RHOT1: variants seen among roughly 807,000 people sequenced by gnomAD.
RHOT1 encodes the protein ras homolog family member T1.
In RHOT1, 27 loss-of-function variants were observed where a neutral mutation model predicts 95.3. The observed-to-expected ratio is 0.28, with a 90% confidence interval of 0.21 to 0.39. The LOEUF (loss-of-function observed/expected upper bound fraction) is 0.39. Among genes scored for constraint, RHOT1 ranks in the 10% least tolerant of loss-of-function variants. The pLI is 1.00. For missense variants in RHOT1, 578 were observed against 786.7 expected, an observed-to-expected ratio of 0.73 and a Z score of 3.17; for synonymous variants, 227 against 263.5, an observed-to-expected ratio of 0.86 and a Z score of 1.34.
At chr17:32,182,118 C>A (rs1310067118) in intron 6 of RHOT1, among the ~76,000 whole-genome samples, 1 of 152,164 alleles carries the variant, frequency 6.6e-6, no homozygotes, top group East Asian at 1.9e-4. Context: ...CTCTATCCCC[C>A]TATTTATTTC....
At chr17:32,205,628 T>G (rs2037660127) in intron 16 of RHOT1, among the ~76,000 whole-genome samples, 1 of 152,168 alleles carries the variant, frequency 6.6e-6, no homozygotes, top group Non-Finnish European at 1.5e-5. Flanking sequence ...GAAAAGACAC[T>G]ATGAAATACA....
chr17:32,223,996 CCTGT>C (rs1310288960), intron 19 of RHOT1, among the ~76,000 whole-genome samples: 3 of 152,166 alleles, frequency 2.0e-5, no homozygotes, highest in African/African-American at 7.2e-5. Context: ...ATTATCACTG[CCTGT>C]CTAACACCAG....
intron 19 of RHOT1, 88 bp from the exon 20 acceptor site, chr17:32,224,528 A>G (rs1419728177): frequency 3.5e-6 from 3 of 850,596 alleles, no homozygotes; most frequent in Non-Finnish European, 5.6e-6. Context: ...GTGTGCTAAT[A>G]CTTCCCTAAA....
intron 6 of RHOT1, among the ~76,000 whole-genome samples, chr17:32,176,726 C>G (rs1164605467): frequency 1.3e-5 from 2 of 152,034 alleles, no homozygotes; most frequent in East Asian, 1.9e-4. Flanking sequence ...GCATGTACCA[C>G]CATGCCTGGC....
rs371213821 is a variant in RHOT1 at position 32,208,122 on chromosome 17, A to T, written c.1552A>T (p.Ser518Cys). ...ARIFKQHFMD[S>C]RIPCLIVAAK... Reference sequence around the variant, plus strand: ...TATTCCATAGCAACACTTTATGGACAGCAGAATACCTTGCTTAATCGTAGC... The same window carrying T: ...TATTCCATAGCAACACTTTATGGACTGCAGAATACCTTGCTTAATCGTAGC... Residue 518 changes from serine to cysteine, a missense_variant, in exon 18 of 20, where the codon AGC (serine) becomes TGC (cysteine). Coordinates refer to ENST00000545287, the MANE Select transcript of RHOT1 (RefSeq NM_001033566.3). The T allele has an allele frequency of 5.0e-6, 8 of 1,614,000 alleles. No individual in the cohort carries two copies. Among genetic ancestry groups the T allele is most frequent in the Non-Finnish European group, 6.8e-6 (8 of 1,179,860 alleles).
intron 1 of RHOT1, among the ~76,000 whole-genome samples, chr17:32,166,604 A>G (rs1253945502): frequency 1.3e-5 from 2 of 152,218 alleles, no homozygotes; most frequent in African/African-American, 4.8e-5. Context: ...TTTATGTAAT[A>G]TTCCAGGTCC....
At chr17:32,152,079 A>G (rs1324042214) in intron 1 of RHOT1, among the ~76,000 whole-genome samples, 3 of 152,200 alleles carry the variant, frequency 2.0e-5, no homozygotes, top group African/African-American at 7.2e-5. Context: ...TTAAAATCAC[A>G]CTTTAAAAGA....
At chr17:32,203,865 T>C (rs776077004) in intron 15 of RHOT1, 25 bp from the exon 16 acceptor site, 29 of 1,560,564 alleles carry the variant, frequency 1.9e-5, no homozygotes, top group South Asian at 8.9e-5. Flanking sequence ...ACTGCAGATA[T>C]TGAGATTTTC....
intron 16 of RHOT1, 148 bp from the exon 17 acceptor site, chr17:32,206,762 C>T: frequency 1.6e-6 from 1 of 640,240 alleles, no homozygotes; most frequent in East Asian, 2.9e-5. Context: ...CTTGTCTATA[C>T]TTTCTACTTT....
intron 11 of RHOT1, among the ~76,000 whole-genome samples, chr17:32,196,281 C>A (rs2036883762): frequency 1.3e-5 from 2 of 151,360 alleles, no homozygotes. Context: ...GCCTCGGCCT[C>A]CTGGGCCCAA....
intron 1 of RHOT1, among the ~76,000 whole-genome samples, chr17:32,144,720 C>T (rs2031030017): frequency 6.6e-6 from 1 of 151,498 alleles, no homozygotes; most frequent in Non-Finnish European, 1.5e-5. Context: ...GGCACAGTGG[C>T]TCACTCCTGT....
At chr17:32,151,363 G>A (rs2032266571) in intron 1 of RHOT1, 23 of 614,576 alleles carry the variant, frequency 3.7e-5, no homozygotes, top group South Asian at 2.5e-4. Flanking sequence ...AGTGAGCCAA[G>A]ACTGCACCAC....
intron 1 of RHOT1, chr17:32,150,542 A>G: frequency 6.6e-7 from 1 of 1,526,150 alleles, no homozygotes. Context: ...TGTGTGGGAG[A>G]TAGGCCTACA....
chr17:32,173,403 T>G (rs1341364209), intron 2 of RHOT1, among the ~76,000 whole-genome samples: 1 of 152,196 alleles, frequency 6.6e-6, no homozygotes, highest in African/African-American at 2.4e-5. Flanking sequence ...CTAAAAAGTT[T>G]AGAATTTTGG....
intron 1 of RHOT1, among the ~76,000 whole-genome samples, chr17:32,168,846 CTG>C (rs2034333078): frequency 6.6e-6 from 1 of 152,062 alleles, no homozygotes; most frequent in African/African-American, 2.4e-5. Flanking sequence ...ATGACTGTCT[CTG>C]GATCCCAGAT....
chr17:32,199,107 G>A (rs2037123560), intron 12 of RHOT1, 76 bp downstream of exon 12: 1 of 1,159,592 alleles, frequency 8.6e-7, no homozygotes, highest in Non-Finnish European at 1.3e-6. Flanking sequence ...TGTTCCCTGA[G>A]CTATGGGATG....
rs543898088 is a variant in RHOT1, at chr17:32,179,452, A to G, written c.329+3239A>G. 6.8e-3 allele frequency: 525 copies of G among 76,796 alleles called. 2 individuals carry two copies. The highest frequency in any genetic ancestry group is 9.3e-3 in the Non-Finnish European group (372 of 40,002). 4.8% of individuals were successfully genotyped at this position (76,796 alleles called of 1,614,324 possible). ...AGCGCCTCTGCCCAGCTGACACCCC[A>G]TCTGGGATGTGAGGAGCACCTCTGC... is the stretch of plus-strand genomic sequence containing the variant. On this transcript the variant is annotated intron_variant, in intron 6 of 19. Transcript: ENST00000545287.
At chr17:32,203,594 T>A (rs1161680671) in intron 15 of RHOT1, among the ~76,000 whole-genome samples, 1 of 152,132 alleles carries the variant, frequency 6.6e-6, no homozygotes, top group Non-Finnish European at 1.5e-5. Context: ...CAGACCAAAT[T>A]ATGGTATAAT....
intron 19 of RHOT1, among the ~76,000 whole-genome samples, chr17:32,223,862 C>CTGTGT (rs1222839614): frequency 6.6e-6 from 1 of 152,188 alleles, no homozygotes; most frequent in Non-Finnish European, 1.5e-5. Flanking sequence ...AGGGTACTTA[C>CTGTGT]TGAGCATGCT....
Sources: gnomAD v4.1 joint callset for allele counts (sites outside exome capture counted in the v4.1 genomes callset) on GRCh38, gnomAD v4.1.1 for gene constraint, MANE v1.5 for transcripts, NCBI Gene and HGNC (gene_info 2026-07-23, HGNC 2026-07-21) for gene names.